The following RNF38 variants were observed in gnomAD, a reference collection of about 807,000 sequenced individuals.
RNF38 encodes the protein E3 ubiquitin-protein ligase RNF38.
Under a neutral mutation model 67.2 loss-of-function variants are expected in RNF38, and 15 were observed. The ratio of observed to expected loss-of-function variants is 0.22; its 90% CI spans 0.15 to 0.34. The LOEUF is 0.34. Ranked by LOEUF, RNF38 falls within the 10% of genes least tolerant of loss-of-function variation. The pLI is 1.00. For synonymous variants in RNF38, 220 were observed against 218.8 expected (o/e 1.01, Z -0.05); for missense variants, 524 against 639.9 (o/e 0.82, Z 1.95).
At chr9:36,344,082 C>T (rs999935349) in intron 10 of RNF38, among the ~76,000 whole-genome samples, 2 of 151,622 alleles carry the variant, frequency 1.3e-5, no homozygotes, top group African/African-American at 2.4e-5. Context: ...GGTGTGATCT[C>T]GGCTCACTGC....
intron 4 of RNF38, among the ~76,000 whole-genome samples, chr9:36,359,939 T>C (rs562725722): frequency 2.6e-5 from 4 of 151,976 alleles, no homozygotes; most frequent in Non-Finnish European, 4.4e-5. Flanking sequence ...GAGACAGGGT[T>C]TCACCATTTT....
At chr9:36,448,828 A>T (rs996582238) in intron 1 of RNF38, among the ~76,000 whole-genome samples, 6 of 151,970 alleles carry the variant, frequency 3.9e-5, no homozygotes, top group Non-Finnish European at 8.8e-5. Flanking sequence ...ACATGGTGAA[A>T]CCCTGTCTCT....
chr9:36,485,628 A>T (rs898325838), intron 1 of RNF38, among the ~76,000 whole-genome samples: 1 of 152,110 alleles, frequency 6.6e-6, no homozygotes, highest in Admixed American at 6.6e-5. Context: ...AGAGTTTTTT[A>T]GGAAAATCTA....
intron 1 of RNF38, among the ~76,000 whole-genome samples, chr9:36,442,311 T>C (rs1395460442): frequency 6.6e-6 from 1 of 152,200 alleles, no homozygotes; most frequent in Non-Finnish European, 1.5e-5. Context: ...TCATCTCCCC[T>C]ATGAACTTTT....
intron 2 of RNF38, among the ~76,000 whole-genome samples, chr9:36,419,657 T>C (rs986213190): frequency 1.3e-5 from 2 of 152,180 alleles, no homozygotes; most frequent in Non-Finnish European, 2.9e-5. Context: ...TGAGTTAATT[T>C]CAGTATCTAA....
intron 1 of RNF38, among the ~76,000 whole-genome samples, chr9:36,479,982 T>C (rs1315780147): frequency 2.0e-5 from 3 of 152,046 alleles, no homozygotes; most frequent in Admixed American, 2.0e-4. Flanking sequence ...TGAATTTTTA[T>C]TTTTTTATTT....
At chr9:36,430,237 G>A (rs974173726) in intron 1 of RNF38, among the ~76,000 whole-genome samples, 1 of 151,978 alleles carries the variant, frequency 6.6e-6, no homozygotes, top group Non-Finnish European at 1.5e-5. Flanking sequence ...ACAGAGTTTC[G>A]CTCTTGTTGC....
chr9:36,395,551 T>G (rs1459007713), intron 1 of RNF38, among the ~76,000 whole-genome samples: 2 of 152,206 alleles, frequency 1.3e-5, no homozygotes, highest in East Asian at 3.8e-4. Context: ...CACCTCTAGC[T>G]ACAAGTCTGG....
intron 2 of RNF38, among the ~76,000 whole-genome samples, chr9:36,421,671 AAAAT>A (rs1442439885): frequency 4.6e-5 from 7 of 152,162 alleles, no homozygotes; most frequent in Non-Finnish European, 8.8e-5. Context: ...CTGAAAAATA[AAAAT>A]AAATAAATAA....
At chr9:36,371,550 G>A (rs1835379677) in intron 3 of RNF38, among the ~76,000 whole-genome samples, 1 of 149,612 alleles carries the variant, frequency 6.7e-6, no homozygotes, top group African/African-American at 2.5e-5. Context: ...AGGTTCAAAC[G>A]ATTCTCCTGC....
chr9:36,485,209 G>A (rs1840376392), intron 1 of RNF38, among the ~76,000 whole-genome samples: 1 of 152,056 alleles, frequency 6.6e-6, no homozygotes, highest in Non-Finnish European at 1.5e-5. Flanking sequence ...AAAAATATAT[G>A]TAGTCTTCTG....
chr9:36,472,872 G>A (rs1462828381), intron 1 of RNF38, among the ~76,000 whole-genome samples: 1 of 46,376 alleles, frequency 2.2e-5, no homozygotes. Flanking sequence ...CTGAGAGACC[G>A]AGGTGGGTGG....
intron 1 of RNF38, among the ~76,000 whole-genome samples, chr9:36,392,838 T>A (rs1361022569): frequency 6.6e-6 from 1 of 152,170 alleles, no homozygotes; most frequent in Non-Finnish European, 1.5e-5. Context: ...TCTAACAATT[T>A]TTGAAACCCA....
At chr9:36,341,795 T>A (rs1217254909) in intron 11 of RNF38, among the ~76,000 whole-genome samples, 5 of 9,336 alleles carry the variant, frequency 5.4e-4, no homozygotes, top group African/African-American at 9.3e-4. Flanking sequence ...TGTTTCAAAA[T>A]ATATATATAT....
chr9:36,401,377 G>C (rs1422242811), upstream of RNF38, among the ~76,000 whole-genome samples: 1 of 147,334 alleles, frequency 6.8e-6, no homozygotes, highest in Non-Finnish European at 1.5e-5. Context: ...GTAAATTGTT[G>C]CTACTGTTCC....
intron 1 of RNF38, among the ~76,000 whole-genome samples, chr9:36,468,776 C>T (rs1427620497): frequency 6.6e-6 from 1 of 151,202 alleles, no homozygotes; most frequent in Non-Finnish European, 1.5e-5. Flanking sequence ...CATGCCACTG[C>T]ACTCCAGCCT....
intron 1 of RNF38, among the ~76,000 whole-genome samples, chr9:36,397,041 G>T (rs556333876): frequency 6.8e-6 from 1 of 147,286 alleles, no homozygotes; most frequent in South Asian, 2.1e-4. Context: ...ACGTATATAC[G>T]TATATACACA....
At chr9:36,376,502 G>A (rs1182714578) in intron 2 of RNF38, among the ~76,000 whole-genome samples, 1 of 152,136 alleles carries the variant, frequency 6.6e-6, no homozygotes, top group East Asian at 1.9e-4. Flanking sequence ...CCATCAATAA[G>A]ACATCAATTC....
chr9:36,454,917 T>C (rs897489477), intron 1 of RNF38, among the ~76,000 whole-genome samples: 3 of 152,162 alleles, frequency 2.0e-5, no homozygotes, highest in Admixed American at 6.6e-5. Flanking sequence ...TTTTCAAGGT[T>C]ATATATTTAT....
Sources: allele counts gnomAD v4.1 joint callset (sites outside exome capture counted in the v4.1 genomes callset), GRCh38; gene constraint gnomAD v4.1.1; transcripts MANE v1.5; gene names NCBI Gene and HGNC (gene_info 2026-07-23, HGNC 2026-07-21).